The following IFT74 variants were observed in gnomAD, a reference collection of about 807,000 sequenced individuals.
IFT74 encodes intraflagellar transport 74.
IFT74 carries 92 observed loss-of-function variants against 96.7 expected under a neutral mutation model. The ratio of observed to expected loss-of-function variants is 0.95; its 90% CI spans 0.80 to 1.13. The LOEUF (loss-of-function observed/expected upper bound fraction) is 1.13. Among genes scored for constraint, IFT74 ranks in the 50% most tolerant of loss-of-function variants. The pLI is 0.00. For missense variants in IFT74, 811 were observed against 698.2 expected (o/e 1.16, Z -1.82); for synonymous variants, 223 against 213.2 (o/e 1.05, Z -0.40).
chr9:26,976,013 G>A (rs767132547), intron 2 of IFT74, among the ~76,000 whole-genome samples: 9 of 152,186 alleles, frequency 5.9e-5, no homozygotes, highest in Non-Finnish European at 8.8e-5. Flanking sequence ...AAGATACCCT[G>A]ACCACCTAGG....
At chr9:27,003,915 G>C (rs1828639376) in intron 8 of IFT74, among the ~76,000 whole-genome samples, 1 of 152,202 alleles carries the variant, frequency 6.6e-6, no homozygotes, top group Admixed American at 6.5e-5. Context: ...TAGGTGTTCA[G>C]CTCCTTCAAT....
intron 1 of IFT74, chr9:26,947,325 A>C: frequency 2.2e-6 from 1 of 445,442 alleles, no homozygotes; most frequent in Non-Finnish European, 4.0e-6. Context: ...GCCGATGCGG[A>C]GCTGAGCTGG....
intron 12 of IFT74, among the ~76,000 whole-genome samples, chr9:27,025,251 T>A (rs911151087): frequency 6.6e-6 from 1 of 151,910 alleles, no homozygotes. Flanking sequence ...AAGAGCAGCC[T>A]GGCCAATAAG....
chr9:26,986,919 A>G (rs1188495759), intron 6 of IFT74, among the ~76,000 whole-genome samples: 2 of 152,216 alleles, frequency 1.3e-5, no homozygotes, highest in African/African-American at 4.8e-5. Flanking sequence ...CATTGCACCC[A>G]GCCCTCTTAT....
intron 16 of IFT74, among the ~76,000 whole-genome samples, chr9:27,052,627 A>G (rs572618016): frequency 6.6e-6 from 1 of 151,682 alleles, no homozygotes; most frequent in East Asian, 1.9e-4. Flanking sequence ...TATGATAAGG[A>G]TTTTGCTGGA....
intron 13 of IFT74, among the ~76,000 whole-genome samples, chr9:27,033,326 G>C (rs557732085): frequency 8.2e-4 from 124 of 152,080 alleles, no homozygotes; most frequent in Non-Finnish European, 1.5e-3. Flanking sequence ...GGGAGGCTGA[G>C]GGGGGTGGAT....
chr9:27,024,585 C>G (rs1197272636), intron 12 of IFT74, among the ~76,000 whole-genome samples: 2 of 152,094 alleles, frequency 1.3e-5, no homozygotes, highest in East Asian at 3.9e-4. Flanking sequence ...TAAAACAATT[C>G]TGGTAATATG....
At chr9:26,959,818 A>T (rs1263333411) in intron 1 of IFT74, among the ~76,000 whole-genome samples, 4 of 152,238 alleles carry the variant, frequency 2.6e-5, no homozygotes, top group African/African-American at 9.6e-5. Context: ...AAGTATCTTA[A>T]CAAGGATAAA....
intron 16 of IFT74, among the ~76,000 whole-genome samples, chr9:27,048,573 G>A (rs1017017492): frequency 3.9e-5 from 6 of 152,202 alleles, no homozygotes; most frequent in African/African-American, 7.2e-5. Flanking sequence ...GTAATACAGC[G>A]TGGCAGTAAG....
Position 27,047,266 on chromosome 9 carries a change from A to G in IFT74, c.1109-8A>G, listed in dbSNP as rs772113072. The stretch of plus-strand genomic sequence containing the variant: ...GCAGTAATCTCTCTTATGTTTTCCA[A>G]TTGTCAGCTTTTATTGAGACTTTTG... On this transcript the variant is annotated splice_polypyrimidine_tract_variant and splice_region_variant and intron_variant, in intron 14 of 19. Coordinates refer to ENST00000380062, the MANE Select transcript of IFT74 (RefSeq NM_025103.4). The G allele has an allele frequency of 7.0e-6, 11 of 1,579,040 alleles. No individual in the cohort carries two copies. Among genetic ancestry groups the G allele is most frequent in the Admixed American group, 3.3e-5 (2 of 59,748 alleles).
intron 1 of IFT74, among the ~76,000 whole-genome samples, chr9:26,951,299 G>A (rs1239361689): frequency 1.3e-5 from 2 of 152,176 alleles, no homozygotes; most frequent in African/African-American, 4.8e-5. Flanking sequence ...AACTTAGTAG[G>A]AAAACCCAGG....
intron 2 of IFT74, among the ~76,000 whole-genome samples, chr9:26,971,565 G>A (rs1423754147): frequency 1.3e-5 from 2 of 152,138 alleles, no homozygotes; most frequent in Non-Finnish European, 2.9e-5. Context: ...GGGGACTGTG[G>A]TAGGGGAAGG....
At position 27,048,185 on chromosome 9, in the gene IFT74, A is replaced by G; in HGVS notation, c.1244A>G (p.Asn415Ser). The change falls in exon 16 of 20, where the codon AAT becomes AGT. Residue 415 changes from asparagine (N) to serine (S), a missense_variant. Coordinates refer to ENST00000380062, the MANE Select transcript of IFT74 (RefSeq NM_025103.4). ...ATAGAACAGATATCCTCTATCACCA[A>G]TCAAGAGCTAAAGATGATGCAGGAT... ...NRIEQISSIT[N>S]QELKMMQDDL... The G allele has an allele frequency of 2.5e-6, 4 of 1,600,930 alleles. No individual in the cohort carries two copies. The highest frequency in any genetic ancestry group is 1.7e-5 in the Admixed American group (1 of 59,830).
chr9:26,968,244 C>T (rs989306305), intron 2 of IFT74, among the ~76,000 whole-genome samples: 12 of 146,802 alleles, frequency 8.2e-5, no homozygotes, highest in Non-Finnish European at 1.3e-4. Flanking sequence ...TGCTGGGAGA[C>T]GTTTTTTAAA....
chr9:27,060,700 T>G (rs759075536), intron 19 of IFT74, 49 bp downstream of exon 19: 53 of 1,389,984 alleles, frequency 3.8e-5, no homozygotes, highest in Non-Finnish European at 5.2e-5. Context: ...GGCTCATGCC[T>G]ATAGTCCCAA....
chr9:26,989,744 G>A (rs928671520), intron 7 of IFT74, among the ~76,000 whole-genome samples: 6 of 152,096 alleles, frequency 3.9e-5, no homozygotes, highest in African/African-American at 1.4e-4. Context: ...AGTTAATTAG[G>A]TGTACTCAGA....
intron 13 of IFT74, chr9:27,036,604 C>T: frequency 4.5e-6 from 7 of 1,544,826 alleles, no homozygotes; most frequent in South Asian, 3.8e-5. Flanking sequence ...TCTTCAGTCT[C>T]TCTCTAGCAC....
chr9:26,950,227 A>T (rs1040124830), intron 1 of IFT74, among the ~76,000 whole-genome samples: 6 of 151,302 alleles, frequency 4.0e-5, no homozygotes, highest in Admixed American at 2.6e-4. Flanking sequence ...CAGGAGAATC[A>T]CTTGAACCCG....
intron 10 of IFT74, among the ~76,000 whole-genome samples, chr9:27,016,627 A>G (rs535943732): frequency 5.6e-4 from 85 of 152,320 alleles, no homozygotes; most frequent in Middle Eastern, 6.8e-3. Context: ...TCCCATTGGT[A>G]GAGTTGTCCT....
Sources: allele counts gnomAD v4.1 joint callset (sites outside exome capture counted in the v4.1 genomes callset), GRCh38; gene constraint gnomAD v4.1.1; transcripts MANE v1.5; gene names NCBI Gene and HGNC (gene_info 2026-07-23, HGNC 2026-07-21).